The following SUB1 variants were observed in gnomAD, a reference collection of about 807,000 sequenced individuals.
SUB1 encodes the protein activated RNA polymerase II transcriptional coactivator p15.
SUB1 carries 1 observed loss-of-function variant against 16.9 expected under a neutral mutation model. The observed-to-expected ratio is 0.06, with a 90% confidence interval of 0.02 to 0.28. SUB1 has a LOEUF of 0.28. Ranked by LOEUF, SUB1 falls within the 10% of genes least tolerant of loss-of-function variation. The pLI, the probability that SUB1 is intolerant of heterozygous loss-of-function variation, is 1.00. For missense variants in SUB1, 84 were observed against 145.2 expected (o/e 0.58, Z 2.16); for synonymous variants, 51 against 46.9 (o/e 1.09, Z -0.36).
intron 2 of SUB1, among the ~76,000 whole-genome samples, chr5:32,589,169 G>T (rs1284363074): frequency 6.6e-6 from 1 of 151,968 alleles, no homozygotes; most frequent in Non-Finnish European, 1.5e-5. Flanking sequence ...GCTCACTGCA[G>T]CCTCGACCTC....
At chr5:32,586,312 G>A (rs186454842) in intron 1 of SUB1, 1 of 152,326 alleles carries the variant, frequency 6.6e-6, no homozygotes, top group African/African-American at 2.4e-5. Flanking sequence ...GAAGTCGTGT[G>A]CCCTTCAGTC....
intron 2 of SUB1, among the ~76,000 whole-genome samples, chr5:32,588,984 A>C (rs985132874): frequency 1.3e-5 from 2 of 152,186 alleles, no homozygotes; most frequent in Non-Finnish European, 2.9e-5. Context: ...AGGAACCCTA[A>C]AGTTGCAGAA....
chr5:32,591,909 A>G (rs1437105168), intron 3 of SUB1, among the ~76,000 whole-genome samples: 1 of 152,120 alleles, frequency 6.6e-6, no homozygotes, highest in Non-Finnish European at 1.5e-5. Context: ...CATCTTGGCC[A>G]GGCTGGTCTT....
intron 3 of SUB1, chr5:32,596,646 G>A (rs1369181053): frequency 6.6e-6 from 1 of 152,122 alleles, no homozygotes; most frequent in Non-Finnish European, 1.5e-5. Context: ...TTGTTGAAAA[G>A]AGTATTCTTA....
At chr5:32,589,608 G>C (rs1031144063) in intron 2 of SUB1, among the ~76,000 whole-genome samples, 1 of 152,132 alleles carries the variant, frequency 6.6e-6, no homozygotes, top group Non-Finnish European at 1.5e-5. Context: ...GGTGAATTTC[G>C]CTAAATTGAG....
At chr5:32,594,625 G>T (rs1241628069) in intron 3 of SUB1, 1 of 454,844 alleles carries the variant, frequency 2.2e-6, no homozygotes, top group Admixed American at 2.4e-5. Flanking sequence ...GGTGAGCGGT[G>T]TGTGAGTGAA....
intron 2 of SUB1, among the ~76,000 whole-genome samples, 160 bp downstream of exon 2, chr5:32,588,744 G>C (rs1450049715): frequency 6.6e-6 from 1 of 152,138 alleles, no homozygotes; most frequent in African/African-American, 2.4e-5. Flanking sequence ...GGCCGAGGTG[G>C]CAGGATTGCT....
At chr5:32,587,240 T>A (rs1261600731) in intron 1 of SUB1, among the ~76,000 whole-genome samples, 1 of 152,196 alleles carries the variant, frequency 6.6e-6, no homozygotes, top group African/African-American at 2.4e-5. Flanking sequence ...ACCTAATCTC[T>A]TCTGAGATGG....
At position 32,599,026 on chromosome 5, in the gene SUB1, A is replaced by T; in HGVS notation, c.261A>T (p.Glu87Asp). The T allele has an allele frequency of 6.2e-7, 1 of 1,613,784 alleles. No homozygotes were observed. The highest frequency in any genetic ancestry group is 8.5e-7 in the Non-Finnish European group (1 of 1,179,842). The change falls in exon 4 of 5, where the codon GAA (glutamate) becomes GAT (aspartate). Residue 87 changes from glutamate (E) to aspartate (D), a missense_variant. Glu to Asp is a conservative substitution (Grantham distance 45). Around this residue, in one of 2 missense-constraint regions of SUB1, gnomAD observed 24 missense variants for 80.3 expected, o/e 0.30. Transcript: ENST00000265073. The stretch of plus-strand genomic sequence containing the variant: ...GCAAAGTGCTAATTGATATTAGAGA[A>T]TATTGGATGGATCCTGAAGGTGAAA... ...FKGKVLIDIREYWMDPEGEMK... is the reference protein window; with the variant it reads ...FKGKVLIDIRDYWMDPEGEMK...
In SUB1 at chr5:32,600,139, T is replaced by A. The variant is rs1302375082; in HGVS notation, c.305-866T>A. On this transcript the variant is annotated intron_variant, in intron 4 of 4. Coordinates refer to ENST00000265073, the MANE Select transcript of SUB1 (RefSeq NM_006713.4). ...TAAGGCTTACAAGGTGATGTAGTTC[T>A]TTTTTAAGGGTCATACACTTAGTGA... 1.2e-4 allele frequency among the ~76,000 whole-genome samples: 19 copies of A among 152,252 alleles called. 1 individual carries two copies. The highest frequency in any genetic ancestry group is 1.2e-3 in the Admixed American group (19 of 15,284).
intron 1 of SUB1, among the ~76,000 whole-genome samples, chr5:32,588,175 C>G (rs577437658): frequency 6.6e-6 from 1 of 152,140 alleles, no homozygotes; most frequent in Non-Finnish European, 1.5e-5. Context: ...TAATTGTTGT[C>G]TGCTGCCTTC....
intron 1 of SUB1, among the ~76,000 whole-genome samples, chr5:32,587,026 T>C (rs1738689966): frequency 1.3e-5 from 2 of 152,242 alleles, no homozygotes; most frequent in South Asian, 4.1e-4. Context: ...AAGTCTTTTT[T>C]TCTTGTATTA....
intron 4 of SUB1, 108 bp downstream of exon 4, chr5:32,599,177 TACTC>T: frequency 4.1e-6 from 3 of 732,264 alleles, no homozygotes; most frequent in East Asian, 5.5e-5. Flanking sequence ...GGAAGAGTCT[TACTC>T]AATTGATTCT....
At chr5:32,588,232 A>G (rs1242001488) in intron 1 of SUB1, among the ~76,000 whole-genome samples, 3 of 152,228 alleles carry the variant, frequency 2.0e-5, no homozygotes, top group South Asian at 2.1e-4. Flanking sequence ...AAAACGAAGT[A>G]TAGAAAGATC....
intron 2 of SUB1, among the ~76,000 whole-genome samples, chr5:32,590,244 T>C (rs924270813): frequency 3.3e-5 from 5 of 152,180 alleles, no homozygotes; most frequent in African/African-American, 1.2e-4. Flanking sequence ...GTTTTACATG[T>C]ATATAATATT....
intron 3 of SUB1, among the ~76,000 whole-genome samples, chr5:32,593,099 G>A (rs576894883): frequency 6.6e-6 from 1 of 152,090 alleles, no homozygotes; most frequent in Non-Finnish European, 1.5e-5. Context: ...TGCAACTTCC[G>A]CTTCCTGGGC....
Position 32,602,470 on chromosome 5 carries a change from C to G in SUB1, c.*1386C>G, listed in dbSNP as rs10472813. On this transcript the variant is annotated 3_prime_UTR_variant, in exon 5 of 5. Coordinates refer to ENST00000265073, the MANE Select transcript of SUB1 (RefSeq NM_006713.4). ...ACAAATTATTTTTGGTAGCAAATCT[C>G]AAATGGTTACCTGCTATTAAGGTCT... is the stretch of plus-strand genomic sequence containing the variant. 4,128 of 237,270 alleles carry G rather than the reference C, an allele frequency of 0.017. 188 individuals are homozygous for G. The highest frequency in any genetic ancestry group is 0.09 in the African/African-American group (3,949 of 43,720). 14.7% of individuals were successfully genotyped at this position (237,270 alleles called of 1,614,324 possible). A position where few individuals can be genotyped will look rare whatever the true frequency, so the allele number is the denominator to read the frequency against.
intron 3 of SUB1, chr5:32,597,156 A>G (rs1008151497): frequency 1.3e-5 from 2 of 152,138 alleles, no homozygotes; most frequent in African/African-American, 4.8e-5. Flanking sequence ...AAAAACCATA[A>G]AAGTATATTC....
intron 4 of SUB1, 43 bp from the exon 5 acceptor site, chr5:32,600,962 C>T (rs772488026): frequency 9.6e-6 from 15 of 1,554,990 alleles, no homozygotes; most frequent in African/African-American, 1.4e-5. Context: ...ATCCTCAACG[C>T]TTAAATAGAT....
Sources: allele counts gnomAD v4.1 joint callset (sites outside exome capture counted in the v4.1 genomes callset), GRCh38; gene constraint gnomAD v4.1.1; regional missense constraint gnomAD v4.1.1; transcripts MANE v1.5; gene names NCBI Gene and HGNC (gene_info 2026-07-23, HGNC 2026-07-21).